SLC4A4: variants seen among roughly 807,000 people sequenced by gnomAD.
SLC4A4 encodes the protein electrogenic sodium bicarbonate cotransporter 1.
SLC4A4 carries 27 observed loss-of-function variants against 111.5 expected under a neutral mutation model. That is an observed-to-expected ratio of 0.24 (90% CI 0.18 to 0.33). SLC4A4 has a LOEUF of 0.33. Among genes scored for constraint, SLC4A4 ranks in the 10% least tolerant of loss-of-function variants. The probability of loss-of-function intolerance (pLI) is 1.00; values close to 1 mark genes in which losing one functional copy is unlikely to be tolerated. For synonymous variants in SLC4A4, 443 were observed against 463.4 expected (o/e 0.96, Z 0.57); for missense variants, 909 against 1,315.5 (o/e 0.69, Z 4.78).
intron 1 of SLC4A4, among the ~76,000 whole-genome samples, chr4:71,221,360 C>T (rs1392484013): frequency 2.0e-5 from 3 of 152,190 alleles, no homozygotes; most frequent in African/African-American, 7.2e-5. Context: ...ACAATGTGGA[C>T]CACTCCTGTT....
At chr4:71,540,582 G>C (rs1446396084) in intron 18 of SLC4A4, among the ~76,000 whole-genome samples, 1 of 152,128 alleles carries the variant, frequency 6.6e-6, no homozygotes, top group Non-Finnish European at 1.5e-5. Context: ...ACTTGTGTTA[G>C]ATGTTGAAGA....
Position 71,352,014 on chromosome 4 carries a change from T to C in SLC4A4, c.550+1942T>C, listed in dbSNP as rs1281212622. Among the ~76,000 whole-genome samples, 4 of 152,284 alleles carry C rather than the reference T, an allele frequency of 2.6e-5. No individual in the cohort carries two copies. The East Asian group carries it at 7.7e-4, about 29-fold the overall frequency. On this transcript the variant is annotated intron_variant, in intron 5 of 25. Transcript: ENST00000264485. ...TATGAGAAGAGATCTTGGATTATGG[T>C]ACCCAGGGAGATCGGAACCCATCTA...
chr4:71,299,374 C>A (rs79612076), intron 3 of SLC4A4, among the ~76,000 whole-genome samples: 1 of 152,190 alleles, frequency 6.6e-6, no homozygotes, highest in Non-Finnish European at 1.5e-5. Flanking sequence ...GCTACAGGTA[C>A]CTGGTCAGAC....
chr4:71,079,312 A>G (rs1386895860), intron 1 of SLC4A4, among the ~76,000 whole-genome samples: 1 of 152,178 alleles, frequency 6.6e-6, no homozygotes, highest in African/African-American at 2.4e-5. Context: ...CAGGTGAAAC[A>G]TGGGACACAT....
At position 71,511,131 on chromosome 4, in the gene SLC4A4, AAT is replaced by A. The variant is rs1373050941; in HGVS notation, c.2166+13445_2166+13446del. 3.9e-5 allele frequency among the ~76,000 whole-genome samples: 6 copies of A among 152,226 alleles called. No homozygotes were observed. In the South Asian group the frequency reaches 6.2e-4, roughly 16 times the overall value. On this transcript the variant is annotated intron_variant, in intron 16 of 25. Coordinates refer to ENST00000264485, the MANE Select transcript of SLC4A4 (RefSeq NM_001098484.3). The stretch of plus-strand genomic sequence containing the variant: ...AGTTTTGTCTTTATCCTTTATATCA[AAT>A]ATATAAGTAATTTACACCTTACAAT...
chr4:71,443,116 C>CTCTCTCTCTCTCTA (rs1198759861), intron 8 of SLC4A4, among the ~76,000 whole-genome samples: 19 of 65,652 alleles, frequency 2.9e-4, no homozygotes, highest in East Asian at 1.1e-3. Flanking sequence ...CTCTCTCTCT[C>CTCTCTCTCTCTCTA]TATATATATA....
chr4:71,211,641 G>A (rs753235720), intron 1 of SLC4A4, among the ~76,000 whole-genome samples: 2 of 152,166 alleles, frequency 1.3e-5, no homozygotes, highest in African/African-American at 4.8e-5. Context: ...TTGGAGCTCT[G>A]CCCTAATTTG....
At chr4:71,522,852 T>A (rs1467703462) in intron 16 of SLC4A4, among the ~76,000 whole-genome samples, 1 of 152,212 alleles carries the variant, frequency 6.6e-6, no homozygotes, top group Non-Finnish European at 1.5e-5. Flanking sequence ...TTCTTTGAAG[T>A]GTGGCGCTTC....
At chr4:71,286,979 A>G (rs1270423342) in intron 3 of SLC4A4, among the ~76,000 whole-genome samples, 1 of 151,840 alleles carries the variant, frequency 6.6e-6, no homozygotes, top group Non-Finnish European at 1.5e-5. Flanking sequence ...TCTTGAGGTC[A>G]TGCCTTTAGT....
Position 71,532,324 on chromosome 4 carries a change from A to G in SLC4A4, c.2280+149A>G, listed in dbSNP as rs1311747614. 6 of 659,200 alleles carry G rather than the reference A, an allele frequency of 9.1e-6. No individual in the cohort carries two copies. The East Asian group carries it at 1.4e-4, about 15-fold the overall frequency. The allele number at this position is 659,200 out of a possible 1,614,324, so 40.8% of individuals were successfully genotyped here. A position where few individuals can be genotyped will look rare whatever the true frequency, so the allele number is the denominator to read the frequency against. On this transcript the variant is annotated intron_variant, in intron 17 of 25. Coordinates refer to ENST00000264485, the MANE Select transcript of SLC4A4 (RefSeq NM_001098484.3). The stretch of plus-strand genomic sequence containing the variant: ...CAGTCCCTCTTAGGCTCATATATAC[A>G]TGTAGTTTAATTTCTTCACTACAAT...
intron 6 of SLC4A4, among the ~76,000 whole-genome samples, chr4:71,371,068 A>C (rs1350255910): frequency 6.6e-6 from 1 of 152,140 alleles, no homozygotes; most frequent in Non-Finnish European, 1.5e-5. Context: ...ACACCTAGTG[A>C]ATAACTAAGG....
intron 1 of SLC4A4, among the ~76,000 whole-genome samples, chr4:71,084,579 G>T (rs565204639): frequency 9.9e-5 from 15 of 151,660 alleles, no homozygotes; most frequent in Non-Finnish European, 1.0e-4. Flanking sequence ...AACAGGCCCC[G>T]GTGTGTGATG....
At chr4:71,312,563 G>A (rs1245209870) in intron 3 of SLC4A4, among the ~76,000 whole-genome samples, 1 of 152,152 alleles carries the variant, frequency 6.6e-6, no homozygotes, top group Non-Finnish European at 1.5e-5. Flanking sequence ...ACATCAAAAA[G>A]CTCATCCACC....
intron 15 of SLC4A4, among the ~76,000 whole-genome samples, chr4:71,488,254 G>A (rs1729600172): frequency 6.6e-6 from 1 of 150,798 alleles, no homozygotes; most frequent in South Asian, 2.1e-4. Flanking sequence ...AAAAGAAATT[G>A]TTATCTAACT....
At chr4:71,247,717 G>A (rs1008216836) in intron 2 of SLC4A4, among the ~76,000 whole-genome samples, 1 of 152,140 alleles carries the variant, frequency 6.6e-6, no homozygotes, top group African/African-American at 2.4e-5. Context: ...CTCTGTGTTT[G>A]GCTCACAGGT....
At chr4:71,418,521 T>G (rs1189284453) in intron 7 of SLC4A4, among the ~76,000 whole-genome samples, 2 of 152,228 alleles carry the variant, frequency 1.3e-5, no homozygotes, top group Non-Finnish European at 2.9e-5. Context: ...AAATTTTGGA[T>G]TCTATGGGCT....
chr4:71,426,182 T>G (rs903833003), intron 7 of SLC4A4, among the ~76,000 whole-genome samples: 1 of 152,172 alleles, frequency 6.6e-6, no homozygotes, highest in Admixed American at 6.6e-5. Context: ...TCAATGTTAA[T>G]GCTGGTCACT....
chr4:71,288,518 C>G (rs1054754453), intron 3 of SLC4A4, among the ~76,000 whole-genome samples: 2 of 152,080 alleles, frequency 1.3e-5, no homozygotes, highest in Non-Finnish European at 2.9e-5. Context: ...CCTGCCTCAG[C>G]CTCCCTAGTA....
chr4:71,338,470 T>G (rs76025532), intron 3 of SLC4A4, among the ~76,000 whole-genome samples: 192 of 152,240 alleles, frequency 1.3e-3, no homozygotes, highest in African/African-American at 4.5e-3. Context: ...GCCTTAAATT[T>G]GTAACATGAC....
Sources: gnomAD v4.1 joint callset for allele counts (sites outside exome capture counted in the v4.1 genomes callset) on GRCh38, gnomAD v4.1.1 for gene constraint, MANE v1.5 for transcripts, NCBI Gene and HGNC (gene_info 2026-07-23, HGNC 2026-07-21) for gene names.